Variants in DNAH6 observed in about 807,000 individuals in gnomAD.
DNAH6 encodes the protein dynein axonemal heavy chain 6.
In DNAH6, 340 loss-of-function variants were observed where a neutral mutation model predicts 491.4. The ratio of observed to expected loss-of-function variants is 0.69; its 90% confidence interval spans 0.63 to 0.76. DNAH6 has a LOEUF of 0.76. Ranked by LOEUF, DNAH6 falls within the 30% of genes least tolerant of loss-of-function variation. DNAH6 has a pLI of 0.00. For synonymous variants in DNAH6, 1,603 were observed against 1,686.1 expected, an observed-to-expected ratio of 0.95 and a Z score of 1.21; for missense variants, 4,443 against 4,972.2, an observed-to-expected ratio of 0.89 and a Z score of 3.20.
At chr2:84,733,916 A>G (rs1217557085) in intron 62 of DNAH6, among the ~76,000 whole-genome samples, 2 of 152,098 alleles carry the variant, frequency 1.3e-5, no homozygotes, top group East Asian at 3.9e-4. Context: ...ATAAATCCAG[A>G]AAAATGGACA....
In DNAH6 at chr2:84,670,914, T is replaced by C. The variant is rs150830525; in HGVS notation, c.6454+439T>C. ...TCCCCACCCTCCCTTATTAACTGCT[T>C]AGATAACTAGCATAACTTTCTGGTC... On this transcript the variant is annotated intron_variant, in intron 39 of 76. Coordinates refer to ENST00000389394, the MANE Select transcript of DNAH6 (RefSeq NM_001370.2). 3.7e-3 allele frequency among the ~76,000 whole-genome samples: 560 copies of C among 152,282 alleles called. 4 individuals carry two copies. The highest frequency in any genetic ancestry group is 5.8e-3 in the Non-Finnish European group (396 of 68,002).
intron 65 of DNAH6, among the ~76,000 whole-genome samples, chr2:84,783,961 A>G (rs1441756771): frequency 1.3e-5 from 2 of 152,174 alleles, no homozygotes; most frequent in African/African-American, 4.8e-5. Context: ...TTTGACCAAG[A>G]CATGAAGAAA....
intron 70 of DNAH6, 38 bp downstream of exon 70, chr2:84,797,696 G>A (rs1374265815): frequency 6.6e-7 from 1 of 1,513,804 alleles, no homozygotes; most frequent in South Asian, 1.2e-5. Flanking sequence ...TATTTATGTT[G>A]TGTATGTAAA....
intron 54 of DNAH6, among the ~76,000 whole-genome samples, chr2:84,708,066 G>A (rs1206133618): frequency 6.6e-6 from 1 of 152,176 alleles, no homozygotes; most frequent in Non-Finnish European, 1.5e-5. Context: ...TGGTGAAACT[G>A]CAAGAGGGCC....
At chr2:84,816,636 T>C (rs1260219987) in intron 76 of DNAH6, among the ~76,000 whole-genome samples, 1 of 152,120 alleles carries the variant, frequency 6.6e-6, no homozygotes, top group Non-Finnish European at 1.5e-5. Flanking sequence ...GGCAGGAGAA[T>C]CACTTGAACC....
chr2:84,706,832 T>G (rs1213092988), intron 52 of DNAH6, 64 bp from the exon 53 acceptor site: 1 of 1,499,388 alleles, frequency 6.7e-7, no homozygotes, highest in Non-Finnish European at 8.8e-7. Flanking sequence ...TAGATCTGTA[T>G]TATTAATGGG....
chr2:84,591,377 T>A (rs1369584797), intron 16 of DNAH6, among the ~76,000 whole-genome samples: 1 of 151,086 alleles, frequency 6.6e-6, no homozygotes, highest in Non-Finnish European at 1.5e-5. Flanking sequence ...TACAACAGAA[T>A]CAAAAATAAT....
the DNAH6 span, among the ~76,000 whole-genome samples, chr2:84,500,746 G>A: frequency 1.3e-5 from 2 of 152,004 alleles, no homozygotes; most frequent in Non-Finnish European, 2.9e-5. Flanking sequence ...AAATCTTTCA[G>A]TGGTTTGGTT....
chr2:84,728,952 A>G (rs1698896026), intron 61 of DNAH6, among the ~76,000 whole-genome samples: 2 of 152,232 alleles, frequency 1.3e-5, no homozygotes, highest in South Asian at 4.2e-4. Context: ...TGCAGAAGTG[A>G]CATCTGCACC....
At chr2:84,693,685 G>A (rs919049956) in intron 45 of DNAH6, among the ~76,000 whole-genome samples, 9 of 149,168 alleles carry the variant, frequency 6.0e-5, no homozygotes, top group Admixed American at 2.0e-4. Flanking sequence ...GCAGCGAGCC[G>A]AGATCACACC....
At chr2:84,678,479 G>T (rs1025919712) in intron 41 of DNAH6, among the ~76,000 whole-genome samples, 1 of 152,274 alleles carries the variant, frequency 6.6e-6, no homozygotes. Flanking sequence ...CTTATGCCTG[G>T]TTAGAAGAGA....
At position 84,787,257 on chromosome 2, in the gene DNAH6, T is replaced by C; in HGVS notation, c.11194T>C (p.Cys3732Arg). The C allele has an allele frequency of 6.5e-7, 1 of 1,548,060 alleles. No homozygotes were observed. Among genetic ancestry groups the C allele is most frequent in the Non-Finnish European group, 8.7e-7 (1 of 1,144,634 alleles). ...TGCTTTACTGAATCTCAAACTCTAT[T>C]GTAAAGAAGGAAAGATTCCCTGGGA... ...ECALLNLKLY[C>R]KEGKIPWDAL... Residue 3732 changes from cysteine to arginine, a missense_variant, in exon 68 of 77, where the codon TGT (cysteine) becomes CGT (arginine). Physicochemically the swap from Cys to Arg is radical, Grantham distance 180. Around this residue, in one of 3 missense-constraint regions of DNAH6, gnomAD observed 1,463 missense variants for 1,656.6 expected, o/e 0.88. Transcript: ENST00000389394.
chr2:84,713,021 GA>G (rs1283104662), intron 56 of DNAH6, 73 bp from the exon 57 acceptor site: 5 of 1,331,254 alleles, frequency 3.8e-6, no homozygotes, highest in Non-Finnish European at 5.1e-6. Flanking sequence ...GAGGCCTAAG[GA>G]ATTTTGTGAA....
chr2:84,714,147 T>G (rs1221769468), intron 57 of DNAH6, among the ~76,000 whole-genome samples: 1 of 152,196 alleles, frequency 6.6e-6, no homozygotes, highest in Admixed American at 6.5e-5. Flanking sequence ...GGAAAGGAAC[T>G]TGACCTCAAG....
chr2:84,483,203 A>G, the DNAH6 span, among the ~76,000 whole-genome samples: 5 of 152,190 alleles, frequency 3.3e-5, no homozygotes, highest in Admixed American at 6.5e-5. Flanking sequence ...GGATCAAGCA[A>G]TCCTCAGGTG....
intron 39 of DNAH6, among the ~76,000 whole-genome samples, chr2:84,671,720 T>G (rs1692755657): frequency 6.6e-6 from 1 of 152,194 alleles, no homozygotes; most frequent in Non-Finnish European, 1.5e-5. Flanking sequence ...TGGAATCACC[T>G]CCTGTAGTAA....
chr2:84,548,404 A>T lies in DNAH6; in HGVS notation c.1303A>T (p.Met435Leu). The change falls in exon 8 of 77, where the codon ATG becomes TTG. Residue 435 changes from methionine (M) to leucine (L), a missense_variant. By Grantham distance (15) the Met-to-Leu change is conservative. Around this residue, in one of 3 missense-constraint regions of DNAH6, gnomAD observed 2,977 missense variants for 3,296.6 expected, o/e 0.90. Coordinates refer to ENST00000389394, the MANE Select transcript of DNAH6 (RefSeq NM_001370.2). ...TEQASKRHYC[M>L]RLTCFIRLND... ...ACAGGCCAGCAAAAGGCATTATTGC[A>T]TGAGGCTGACGTGGTAAGATTATTC... is the stretch of plus-strand genomic sequence containing the variant. The T allele has an allele frequency of 6.2e-7, 1 of 1,613,984 alleles. No individual in the cohort carries two copies. The highest frequency in any genetic ancestry group is 8.5e-7 in the Non-Finnish European group (1 of 1,179,940).
At chr2:84,466,232 A>G in the DNAH6 span, among the ~76,000 whole-genome samples, 908 of 152,350 alleles carry the variant, frequency 6.0e-3, 14 homozygotes, top group African/African-American at 0.021. Context: ...CCAGTTCCCC[A>G]AAGGGCTTTT....
rs1165547762 is a variant in DNAH6, at chr2:84,669,358, C to A, written c.6154C>A (p.Arg2052=). 8 of 1,547,426 alleles carry A rather than the reference C, an allele frequency of 5.2e-6. No homozygotes were observed. In the East Asian group the frequency reaches 1.5e-4, roughly 28 times the overall value. ...FDTKRLDPWE[R]IIPTFKYNRD... is the part of the protein sequence containing the mutation. ...CACCAAACGGCTGGATCCCTGGGAACGAATCATACCTACTTTCAAATACAA... is the reference window on the plus strand; with the variant it reads ...CACCAAACGGCTGGATCCCTGGGAAAGAATCATACCTACTTTCAAATACAA... The change falls in exon 38 of 77, where the codon CGA becomes AGA. Residue 2052 remains arginine (R), a synonymous_variant. Transcript: ENST00000389394.
Sources: gnomAD v4.1 joint callset for allele counts (sites outside exome capture counted in the v4.1 genomes callset) on GRCh38, gnomAD v4.1.1 for gene constraint, gnomAD v4.1.1 regional missense constraint, MANE v1.5 for transcripts, NCBI Gene and HGNC (gene_info 2026-07-23, HGNC 2026-07-21) for gene names.